Variants in EXOC6B observed in about 807,000 individuals in gnomAD.
EXOC6B encodes the protein SEC15 homolog B.
A neutral mutation model predicts 113.5 loss-of-function variants in EXOC6B; 54 were observed. That is an observed-to-expected ratio of 0.48 (90% CI 0.38 to 0.60). EXOC6B has a LOEUF of 0.60. EXOC6B is among the 20% of genes least tolerant of loss of function. The pLI is 0.00. For missense variants in EXOC6B, 797 were observed against 977.5 expected, an observed-to-expected ratio of 0.82 and a Z score of 2.46; for synonymous variants, 357 against 339.0, an observed-to-expected ratio of 1.05 and a Z score of -0.58.
At chr2:72,750,000 T>C (rs1239142498) in intron 1 of EXOC6B, among the ~76,000 whole-genome samples, 1 of 151,608 alleles carries the variant, frequency 6.6e-6, no homozygotes, top group Non-Finnish European at 1.5e-5. Flanking sequence ...ATATATAGTA[T>C]ATATGCTATA....
chr2:72,184,617 A>AT (rs1678302975), intron 20 of EXOC6B, among the ~76,000 whole-genome samples: 1 of 152,236 alleles, frequency 6.6e-6, no homozygotes, highest in Non-Finnish European at 1.5e-5. Context: ...AGTGCCACAT[A>AT]TACAATTGTT....
At chr2:72,690,623 T>G (rs1677418990) in intron 6 of EXOC6B, among the ~76,000 whole-genome samples, 1 of 152,230 alleles carries the variant, frequency 6.6e-6, no homozygotes, top group African/African-American at 2.4e-5. Context: ...CAACAACTTT[T>G]TATTTACAGT....
chr2:72,255,610 C>G (rs10178138), intron 20 of EXOC6B, among the ~76,000 whole-genome samples: 18,201 of 152,178 alleles, frequency 0.12, 1,343 homozygotes, highest in Admixed American at 0.16. Flanking sequence ...CTATTGTATC[C>G]CTATCCCACC....
At chr2:72,436,666 T>C (rs1695890546) in intron 18 of EXOC6B, among the ~76,000 whole-genome samples, 1 of 152,142 alleles carries the variant, frequency 6.6e-6, no homozygotes, top group African/African-American at 2.4e-5. Context: ...CAGTCTCTGA[T>C]ATCCTTTCTC....
Position 72,646,612 on chromosome 2 carries a change from C to T in EXOC6B, c.670-70944G>A, listed in dbSNP as rs536849271. 1.3e-4 allele frequency among the ~76,000 whole-genome samples: 20 copies of T among 152,196 alleles called. No individual in the cohort carries two copies. The East Asian group carries it at 3.1e-3, about 24-fold the overall frequency. The stretch of plus-strand genomic sequence containing the variant: ...AAAAGCTTATCCACCACAATCAAGT[C>T]GGCTTCATCCCTGGGATGCAAGGCT... On this transcript the variant is annotated intron_variant, in intron 6 of 21. Coordinates refer to ENST00000272427, the MANE Select transcript of EXOC6B (RefSeq NM_015189.3).
chr2:72,471,903 T>C (rs1398212880), intron 17 of EXOC6B, among the ~76,000 whole-genome samples: 2 of 152,120 alleles, frequency 1.3e-5, no homozygotes, highest in Non-Finnish European at 2.9e-5. Flanking sequence ...TCCTTCTATA[T>C]TTGGCTTGTT....
intron 1 of EXOC6B, among the ~76,000 whole-genome samples, chr2:72,806,464 G>T (rs1438537875): frequency 2.0e-5 from 3 of 152,102 alleles, no homozygotes; most frequent in Admixed American, 2.0e-4. Flanking sequence ...CTATGTTTTG[G>T]CTATTGTAAA....
chr2:72,577,704 T>C (rs2103839596), intron 6 of EXOC6B, among the ~76,000 whole-genome samples: 1 of 151,732 alleles, frequency 6.6e-6, no homozygotes, highest in South Asian at 2.1e-4. Context: ...AAATGTGACA[T>C]TGAAGTCCAT....
chr2:72,822,222 T>C (rs761253971), intron 1 of EXOC6B, among the ~76,000 whole-genome samples: 2 of 152,162 alleles, frequency 1.3e-5, no homozygotes, highest in African/African-American at 2.4e-5. Flanking sequence ...AAAGCAGGAA[T>C]GAACATTATT....
chr2:72,478,000 G>A (rs1698852073), intron 17 of EXOC6B, among the ~76,000 whole-genome samples: 1 of 151,948 alleles, frequency 6.6e-6, no homozygotes, highest in African/African-American at 2.4e-5. Flanking sequence ...GTTCATGCCT[G>A]AAACTTTTCC....
At chr2:72,502,299 G>A (rs1200410106) in intron 11 of EXOC6B, among the ~76,000 whole-genome samples, 1 of 152,138 alleles carries the variant, frequency 6.6e-6, no homozygotes, top group Non-Finnish European at 1.5e-5. Context: ...TGTAATCCTG[G>A]CTCTTTGGGA....
At position 72,741,474 on chromosome 2, in the gene EXOC6B, A is replaced by T. The variant is rs1342374250; in HGVS notation, c.114-5T>A. The T allele has an allele frequency of 1.4e-5, 22 of 1,550,646 alleles. No homozygotes were observed. Among genetic ancestry groups the T allele is most frequent in the Non-Finnish European group, 1.7e-5 (20 of 1,144,834 alleles). On this transcript the variant is annotated splice_region_variant and splice_polypyrimidine_tract_variant and intron_variant, in intron 1 of 21. Coordinates refer to ENST00000272427, the MANE Select transcript of EXOC6B (RefSeq NM_015189.3). ...TCTTCACCATCATAAACAGACCTTT[A>T]AAAAAAAATGGCACGAAGATTATAC...
intron 19 of EXOC6B, among the ~76,000 whole-genome samples, chr2:72,354,005 C>T (rs1271299550): frequency 6.6e-6 from 1 of 152,130 alleles, no homozygotes; most frequent in African/African-American, 2.4e-5. Flanking sequence ...CGGATCACAA[C>T]TAAAAAATAA....
At chr2:72,317,110 C>A (rs1445512308) in intron 20 of EXOC6B, among the ~76,000 whole-genome samples, 1 of 149,678 alleles carries the variant, frequency 6.7e-6, no homozygotes, top group Non-Finnish European at 1.5e-5. Context: ...AGAGAGAGCT[C>A]TTAGGCTTTT....
intron 20 of EXOC6B, among the ~76,000 whole-genome samples, chr2:72,251,205 C>T (rs777688659): frequency 2.8e-5 from 4 of 143,284 alleles, no homozygotes; most frequent in African/African-American, 9.9e-5. Flanking sequence ...GGAACTTTTC[C>T]TACTTGGATT....
chr2:72,408,327 G>A (rs922031483), intron 18 of EXOC6B, among the ~76,000 whole-genome samples: 2 of 152,116 alleles, frequency 1.3e-5, no homozygotes, highest in African/African-American at 2.4e-5. Flanking sequence ...TCCTCATCAA[G>A]CTACAAATGA....
At chr2:72,802,603 C>G (rs946245515) in intron 1 of EXOC6B, among the ~76,000 whole-genome samples, 1 of 151,968 alleles carries the variant, frequency 6.6e-6, no homozygotes, top group Non-Finnish European at 1.5e-5. Context: ...TATCATTAAG[C>G]TTTTCTGTAT....
chr2:72,482,021 G>GATC (rs1699126905), intron 16 of EXOC6B, among the ~76,000 whole-genome samples: 1 of 152,198 alleles, frequency 6.6e-6, no homozygotes, highest in South Asian at 2.1e-4. Context: ...AAAATGAAGT[G>GATC]ATTTTCTTTA....
chr2:72,567,074 T>G lies in EXOC6B; in HGVS notation c.847-7553A>C, dbSNP rs545716561. Among the ~76,000 whole-genome samples, 10 of 152,162 alleles carry G rather than the reference T, an allele frequency of 6.6e-5. No individual in the cohort carries two copies. The South Asian group carries it at 2.1e-3, about 32-fold the overall frequency. Reference sequence around the variant, plus strand: ...ATGGGATTTCACTGAATATATCTTCTTATATAGTTTTGCCTTTGAATCATG... The same window carrying G: ...ATGGGATTTCACTGAATATATCTTCGTATATAGTTTTGCCTTTGAATCATG... On this transcript the variant is annotated intron_variant, in intron 7 of 21. Coordinates refer to ENST00000272427, the MANE Select transcript of EXOC6B (RefSeq NM_015189.3).
Sources: gnomAD v4.1 joint callset for allele counts (sites outside exome capture counted in the v4.1 genomes callset) on GRCh38, gnomAD v4.1.1 for gene constraint, MANE v1.5 for transcripts, NCBI Gene and HGNC (gene_info 2026-07-23, HGNC 2026-07-21) for gene names.